The following TESK2 variants were observed in gnomAD, a reference collection of about 807,000 sequenced individuals.
The protein encoded by TESK2 is testis associated actin remodelling kinase 2.
A neutral mutation model predicts 57.1 loss-of-function variants in TESK2; 39 were observed. The observed-to-expected ratio is 0.68, with a 90% CI of 0.53 to 0.89. TESK2 has a LOEUF of 0.89. Among genes scored for constraint, TESK2 ranks in the 40% least tolerant of loss-of-function variants. The pLI is 0.00. For missense variants in TESK2, 646 were observed against 732.1 expected, an observed-to-expected ratio of 0.88 and a Z score of 1.36; for synonymous variants, 249 against 267.9, an observed-to-expected ratio of 0.93 and a Z score of 0.69.
chr1:45,428,134 A>T (rs1368061928), intron 2 of TESK2, among the ~76,000 whole-genome samples: 1 of 152,216 alleles, frequency 6.6e-6, no homozygotes, highest in Non-Finnish European at 1.5e-5. Flanking sequence ...TTTGCTACAT[A>T]CTAGGTACTG....
chr1:45,364,477 C>T (rs1647826082), intron 4 of TESK2, among the ~76,000 whole-genome samples: 1 of 152,188 alleles, frequency 6.6e-6, no homozygotes, highest in African/African-American at 2.4e-5. Context: ...GAGAACAAGG[C>T]CCTACCAACA....
At chr1:45,416,072 CTTTT>C (rs34785518) in intron 3 of TESK2, among the ~76,000 whole-genome samples, 1 of 59,282 alleles carries the variant, frequency 1.7e-5, no homozygotes, top group Non-Finnish European at 2.7e-5. Flanking sequence ...AATCTAGAGC[CTTTT>C]TTTTTTTTTT....
intron 4 of TESK2, among the ~76,000 whole-genome samples, chr1:45,365,011 A>C (rs545456514): frequency 1.3e-5 from 2 of 152,210 alleles, no homozygotes; most frequent in African/African-American, 2.4e-5. Flanking sequence ...CCTAGTTTTC[A>C]CTGTAGCCCA....
intron 1 of TESK2, among the ~76,000 whole-genome samples, chr1:45,484,043 G>T (rs987323443): frequency 1.3e-5 from 2 of 149,774 alleles, no homozygotes; most frequent in African/African-American, 4.9e-5. Context: ...CCGCACAGGG[G>T]TTGGCTTCCC....
chr1:45,428,035 T>C (rs1257052399), intron 2 of TESK2, among the ~76,000 whole-genome samples: 2 of 152,172 alleles, frequency 1.3e-5, no homozygotes, highest in Non-Finnish European at 2.9e-5. Flanking sequence ...TTATCTACTA[T>C]GTACCCATAA....
chr1:45,397,891 C>G (rs890404785), intron 3 of TESK2, among the ~76,000 whole-genome samples: 4 of 152,110 alleles, frequency 2.6e-5, no homozygotes, highest in African/African-American at 7.2e-5. Context: ...GACATGTCCA[C>G]ATATTAAATC....
chr1:45,434,003 T>C (rs1651085575), intron 2 of TESK2, among the ~76,000 whole-genome samples: 1 of 152,076 alleles, frequency 6.6e-6, no homozygotes, highest in Non-Finnish European at 1.5e-5. Context: ...TTGTTATTGT[T>C]GTTGTTTTTG....
chr1:45,484,373 T>C (rs916483582), intron 1 of TESK2, among the ~76,000 whole-genome samples: 1 of 151,694 alleles, frequency 6.6e-6, no homozygotes, highest in African/African-American at 2.4e-5. Flanking sequence ...CCGCCCAAAG[T>C]GCTGGAGTTA....
chr1:45,482,869 A>T (rs1444137051), intron 1 of TESK2, among the ~76,000 whole-genome samples: 2 of 150,884 alleles, frequency 1.3e-5, no homozygotes, highest in Non-Finnish European at 2.9e-5. Flanking sequence ...AATCCCAGCT[A>T]CTCGGGAGGC....
intron 3 of TESK2, among the ~76,000 whole-genome samples, chr1:45,398,541 C>T (rs983278332): frequency 2.6e-5 from 4 of 151,820 alleles, no homozygotes; most frequent in Non-Finnish European, 5.9e-5. Context: ...AGCAAGCCTC[C>T]GTTTCAAAAA....
chr1:45,430,626 A>T (rs1650909708), intron 2 of TESK2, among the ~76,000 whole-genome samples: 1 of 152,206 alleles, frequency 6.6e-6, no homozygotes, highest in African/African-American at 2.4e-5. Context: ...GTGAGAGAGC[A>T]CTTGATGATG....
intron 2 of TESK2, among the ~76,000 whole-genome samples, chr1:45,447,921 T>C (rs1307559461): frequency 3.3e-5 from 5 of 151,980 alleles, no homozygotes; most frequent in Admixed American, 6.6e-5. Flanking sequence ...ACAGGATCTA[T>C]ATGAGAAAAA....
chr1:45,428,198 G>C (rs963832754), intron 2 of TESK2, among the ~76,000 whole-genome samples: 1 of 152,148 alleles, frequency 6.6e-6, no homozygotes, highest in Admixed American at 6.6e-5. Context: ...ATAATCCTGT[G>C]AGACAAGTAT....
intron 2 of TESK2, among the ~76,000 whole-genome samples, chr1:45,450,825 G>A (rs929649028): frequency 3.3e-5 from 5 of 150,854 alleles, no homozygotes; most frequent in Admixed American, 6.6e-5. Flanking sequence ...TGTGCACAAC[G>A]TGCAGGTTTG....
chr1:45,432,977 T>C lies in TESK2; in HGVS notation c.223-11131A>G, dbSNP rs369646654. Among the ~76,000 whole-genome samples the C allele has an allele frequency of 1.1e-4, 16 of 150,700 alleles. No individual in the cohort carries two copies. The East Asian group carries it at 2.4e-3, about 22-fold the overall frequency. ...TGGAGTTTCACTGTGTTGCCCAGGC[T>C]GGTCTCAAACTCCTGAGCTTGGGCA... On this transcript the variant is annotated intron_variant, in intron 2 of 10. Transcript: ENST00000372086.
intron 1 of TESK2, among the ~76,000 whole-genome samples, chr1:45,464,422 TAAAA>T (rs34547506): frequency 1.7e-5 from 2 of 121,088 alleles, no homozygotes; most frequent in Non-Finnish European, 1.8e-5. Flanking sequence ...AGACACTGGA[TAAAA>T]AAAAAAAAAA....
rs566174090 is a variant in TESK2 at position 45,444,206 on chromosome 1, A to T, written c.222+13358T>A. On this transcript the variant is annotated intron_variant, in intron 2 of 10. Coordinates refer to ENST00000372086, the MANE Select transcript of TESK2 (RefSeq NM_007170.3). ...AAAAAAAAAAAAGGCTTTGAGGGCC[A>T]TATGGTCTCTGTTACAAAGTACTCG... is the stretch of plus-strand genomic sequence containing the variant. Among the ~76,000 whole-genome samples the T allele has an allele frequency of 1.4e-3, 215 of 151,572 alleles. 4 individuals carry two copies. The South Asian group carries it at 0.042, about 29-fold the overall frequency.
At chr1:45,437,321 G>A (rs1322145546) in intron 2 of TESK2, among the ~76,000 whole-genome samples, 1 of 151,916 alleles carries the variant, frequency 6.6e-6, no homozygotes, top group Non-Finnish European at 1.5e-5. Flanking sequence ...TTTTGTAGCT[G>A]TACTGTAATT....
intron 2 of TESK2, among the ~76,000 whole-genome samples, chr1:45,455,972 C>G (rs1201394071): frequency 6.6e-6 from 1 of 151,872 alleles, no homozygotes; most frequent in Non-Finnish European, 1.5e-5. Context: ...GCAGGCTGAT[C>G]ACTTGAGCCC....
Sources: allele counts gnomAD v4.1 joint callset (sites outside exome capture counted in the v4.1 genomes callset), GRCh38; gene constraint gnomAD v4.1.1; transcripts MANE v1.5; gene names NCBI Gene and HGNC (gene_info 2026-07-23, HGNC 2026-07-21).